EBF1: variants seen among roughly 807,000 people sequenced by gnomAD.
The protein encoded by EBF1 is EBF transcription factor 1, also known as transcription factor COE1.
Under a neutral mutation model 68.4 loss-of-function variants are expected in EBF1, and 10 were observed. The observed-to-expected ratio is 0.15, with a 90% CI of 0.09 to 0.25. The LOEUF (loss-of-function observed/expected upper bound fraction) is 0.25, where lower values mean the gene tolerates loss of function less well. EBF1 is among the 10% of genes least tolerant of loss of function. EBF1 has a pLI of 1.00. For missense variants in EBF1, 509 were observed against 794.4 expected (o/e 0.64, Z 4.32); for synonymous variants, 298 against 299.8 (o/e 0.99, Z 0.06).
chr5:158,778,821 T>C (rs1168091514), intron 9 of EBF1, among the ~76,000 whole-genome samples: 1 of 152,216 alleles, frequency 6.6e-6, no homozygotes, highest in Non-Finnish European at 1.5e-5. Context: ...ATACCCTGTA[T>C]TATATCTTGT....
chr5:158,839,423 G>T (rs146485122), intron 7 of EBF1, among the ~76,000 whole-genome samples: 1 of 152,078 alleles, frequency 6.6e-6, no homozygotes, highest in Non-Finnish European at 1.5e-5. Flanking sequence ...ATCTTACTCC[G>T]TTATCCAGGC....
chr5:158,706,334 A>C (rs1413164597), intron 15 of EBF1, among the ~76,000 whole-genome samples: 1 of 151,872 alleles, frequency 6.6e-6, no homozygotes, highest in Non-Finnish European at 1.5e-5. Flanking sequence ...GAGTATTTTG[A>C]AGAGTCCTCC....
intron 6 of EBF1, among the ~76,000 whole-genome samples, chr5:158,962,968 A>G (rs1004697832): frequency 1.3e-5 from 2 of 152,188 alleles, no homozygotes; most frequent in Non-Finnish European, 2.9e-5. Context: ...TAGACAGACC[A>G]CTATTTACCA....
rs537907819 is a variant in EBF1, at chr5:158,882,345, C to T, written c.555-42235G>A. Reference sequence around the variant, plus strand: ...CAAGTCGGTACTGGATGCAAGCATGCGAATGTCATGCTCATTGTCACAGGA... The same window carrying T: ...CAAGTCGGTACTGGATGCAAGCATGTGAATGTCATGCTCATTGTCACAGGA... On this transcript the variant is annotated intron_variant, in intron 6 of 15. Transcript: ENST00000313708. Among the ~76,000 whole-genome samples the T allele has an allele frequency of 3.9e-5, 6 of 152,254 alleles. No homozygotes were observed. In the East Asian group the frequency reaches 5.8e-4, roughly 15 times the overall value.
chr5:158,954,555 T>TACTTGTATTGGCA (rs1816670037), intron 6 of EBF1, among the ~76,000 whole-genome samples: 2 of 152,210 alleles, frequency 1.3e-5, no homozygotes, highest in African/African-American at 4.8e-5. Context: ...TGGTATTGGT[T>TACTTGTATTGGCA]ACTTGTATTG....
At chr5:158,823,347 A>C in intron 7 of EBF1, 30 bp from the exon 8 acceptor site, 1 of 1,583,976 alleles carries the variant, frequency 6.3e-7, no homozygotes, top group South Asian at 1.2e-5. Flanking sequence ...ATGAATGAAC[A>C]TTTTAATATA....
intron 10 of EBF1, among the ~76,000 whole-genome samples, chr5:158,770,415 G>T (rs1773634115): frequency 6.6e-6 from 1 of 152,086 alleles, no homozygotes. Flanking sequence ...CTTGAAGCCA[G>T]AGTTAGTTTG....
intron 6 of EBF1, among the ~76,000 whole-genome samples, chr5:158,915,964 T>C (rs1319967368): frequency 6.6e-6 from 1 of 152,196 alleles, no homozygotes; most frequent in Admixed American, 6.5e-5. Context: ...GGTCTGGTTT[T>C]ACTGATTCGC....
chr5:158,937,750 A>G (rs1471077449), intron 6 of EBF1, among the ~76,000 whole-genome samples: 1 of 152,186 alleles, frequency 6.6e-6, no homozygotes, highest in Non-Finnish European at 1.5e-5. Flanking sequence ...AGTGTGAGGA[A>G]TAATCTGCCT....
At chr5:158,800,040 C>T (rs1780306684) in intron 8 of EBF1, among the ~76,000 whole-genome samples, 1 of 152,006 alleles carries the variant, frequency 6.6e-6, no homozygotes, top group Non-Finnish European at 1.5e-5. Context: ...ACTATAGGTA[C>T]CCAAATGTTC....
chr5:158,840,001 A>G, intron 7 of EBF1, 28 bp downstream of exon 7: 3 of 1,597,464 alleles, frequency 1.9e-6, no homozygotes, highest in Non-Finnish European at 2.6e-6. Flanking sequence ...GCCATTATTG[A>G]GATTCAAGAA....
At chr5:158,792,644 T>C (rs1266981607) in intron 9 of EBF1, among the ~76,000 whole-genome samples, 1 of 152,178 alleles carries the variant, frequency 6.6e-6, no homozygotes, top group East Asian at 1.9e-4. Context: ...TACTTAAAAT[T>C]AGAAGGCCTG....
At chr5:158,722,149 A>T (rs1762059311) in intron 11 of EBF1, among the ~76,000 whole-genome samples, 1 of 152,162 alleles carries the variant, frequency 6.6e-6, no homozygotes, top group Non-Finnish European at 1.5e-5. Context: ...GTGCCTTGGA[A>T]ATCGACTTTC....
intron 6 of EBF1, among the ~76,000 whole-genome samples, chr5:158,855,603 C>G (rs1793833284): frequency 6.6e-6 from 1 of 152,244 alleles, no homozygotes; most frequent in Non-Finnish European, 1.5e-5. Flanking sequence ...CTTCCTGTAT[C>G]CTACCTCAGT....
chr5:158,754,404 C>T (rs1316549694), intron 10 of EBF1, among the ~76,000 whole-genome samples: 5 of 152,094 alleles, frequency 3.3e-5, no homozygotes, highest in Non-Finnish European at 1.5e-5. Flanking sequence ...ACAAACATCT[C>T]AGTCCCCAGT....
At chr5:158,922,307 T>C (rs1808611437) in intron 6 of EBF1, among the ~76,000 whole-genome samples, 1 of 152,148 alleles carries the variant, frequency 6.6e-6, no homozygotes, top group African/African-American at 2.4e-5. Context: ...TTTGATTTGG[T>C]TGCTATTGTG....
chr5:158,743,898 C>T (rs1186596111), intron 10 of EBF1, among the ~76,000 whole-genome samples: 3 of 152,062 alleles, frequency 2.0e-5, no homozygotes, highest in South Asian at 2.1e-4. Flanking sequence ...AGACTGGGCA[C>T]GGTGGCTCAT....
chr5:158,736,450 T>G (rs1765205543), intron 10 of EBF1, among the ~76,000 whole-genome samples: 1 of 152,230 alleles, frequency 6.6e-6, no homozygotes, highest in African/African-American at 2.4e-5. Flanking sequence ...AATTTCCTTT[T>G]TTTAATGGTT....
At chr5:158,805,059 G>C (rs928122344) in intron 8 of EBF1, among the ~76,000 whole-genome samples, 9 of 151,990 alleles carry the variant, frequency 5.9e-5, no homozygotes, top group Admixed American at 5.9e-4. Context: ...ATTATTTTTA[G>C]TCCAATTCTC....
Sources: allele counts gnomAD v4.1 joint callset (sites outside exome capture counted in the v4.1 genomes callset), GRCh38; gene constraint gnomAD v4.1.1; transcripts MANE v1.5; gene names NCBI Gene and HGNC (gene_info 2026-07-23, HGNC 2026-07-21).